SEMA6D: variants seen among roughly 807,000 people sequenced by gnomAD.
SEMA6D encodes semaphorin-6D.
In SEMA6D, 35 loss-of-function variants were observed where a neutral mutation model predicts 106.6. The observed-to-expected ratio is 0.33, with a 90% confidence interval of 0.25 to 0.44. The LOEUF (loss-of-function observed/expected upper bound fraction) is 0.44. Among genes scored for constraint, SEMA6D ranks in the 20% least tolerant of loss-of-function variants. The pLI is 1.00. For synonymous variants in SEMA6D, 499 were observed against 487.7 expected, an observed-to-expected ratio of 1.02 and a Z score of -0.31; for missense variants, 1,185 against 1,345.9, an observed-to-expected ratio of 0.88 and a Z score of 1.87.
chr15:47,659,865 G>A (rs2077881596), intron 4 of SEMA6D, among the ~76,000 whole-genome samples: 1 of 152,060 alleles, frequency 6.6e-6, no homozygotes, highest in African/African-American at 2.4e-5. Flanking sequence ...AGAAAAGTTT[G>A]ATTATACATA....
chr15:47,358,024 A>G (rs1270907311), intron 1 of SEMA6D, among the ~76,000 whole-genome samples: 1 of 152,208 alleles, frequency 6.6e-6, no homozygotes, highest in Non-Finnish European at 1.5e-5. Flanking sequence ...CTTTGAAAAA[A>G]ATCTCCATAT....
chr15:47,254,329 G>GTC (rs201817469), intron 1 of SEMA6D, among the ~76,000 whole-genome samples: 2 of 132,692 alleles, frequency 1.5e-5, no homozygotes, highest in East Asian at 4.1e-4. Context: ...ATGTGTGTGT[G>GTC]TGTATATATA....
In SEMA6D at chr15:47,387,731, T is replaced by C. The variant is rs149110146; in HGVS notation, c.-238-24662T>C. On this transcript the variant is annotated intron_variant, in intron 1 of 19. Transcript: ENST00000558014. ...GGAATATGAGAAACTATTGTGTGGT[T>C]AACAATAAAGATTTGTGCGCTCAAC... is the stretch of plus-strand genomic sequence containing the variant. Among the ~76,000 whole-genome samples, 255 of 152,282 alleles carry C rather than the reference T, an allele frequency of 1.7e-3. 1 individual carries two copies. Among genetic ancestry groups the C allele is most frequent in the African/African-American group, 6.0e-3 (248 of 41,552 alleles).
At chr15:47,337,223 A>G (rs1489670973) in intron 1 of SEMA6D, among the ~76,000 whole-genome samples, 2 of 152,152 alleles carry the variant, frequency 1.3e-5, no homozygotes, top group Admixed American at 1.3e-4. Flanking sequence ...ATCAGTGGAT[A>G]TGGGATATGG....
At chr15:47,760,245 T>C in intron 2 of SEMA6D, 59 bp from the exon 3 acceptor site, 3 of 1,209,490 alleles carry the variant, frequency 2.5e-6, no homozygotes, top group Non-Finnish European at 3.7e-6. Context: ...ATCAATGCTG[T>C]TTATTGATCC....
chr15:47,765,502 A>G, intron 13 of SEMA6D: 6 of 953,734 alleles, frequency 6.3e-6, no homozygotes, highest in Non-Finnish European at 7.6e-6. Flanking sequence ...CAAATAAGAA[A>G]TAGAAGAGAG....
intron 1 of SEMA6D, among the ~76,000 whole-genome samples, chr15:47,408,000 C>T (rs1187350319): frequency 1.3e-5 from 2 of 152,118 alleles, no homozygotes; most frequent in African/African-American, 2.4e-5. Context: ...GGTTGGGCCT[C>T]AGAAGGAGGG....
At chr15:47,409,900 G>T (rs532702149) in intron 1 of SEMA6D, among the ~76,000 whole-genome samples, 147 of 151,448 alleles carry the variant, frequency 9.7e-4, no homozygotes, top group African/African-American at 2.8e-3. Flanking sequence ...TCGGGGTTGT[G>T]GGGGGGGTGG....
In SEMA6D at chr15:47,763,970, T is replaced by A; in HGVS notation, c.868T>A (p.Ser290Thr). 6.2e-7 allele frequency: 1 copy of A among 1,614,002 alleles called. No homozygotes were observed. Residue 290 changes from serine to threonine, a missense_variant, in exon 10 of 19, where the codon TCG (serine) becomes ACG (threonine). By Grantham distance (58) the Ser-to-Thr change is moderately conservative. Coordinates refer to ENST00000536845, the MANE Select transcript of SEMA6D (RefSeq NM_001358351.3). ...GCTGAACTGTTCTGTCCCTGGAGAT[T>A]CGTTTTTCTACTTTGATGTTCTGCA... ...ARLNCSVPGDSFFYFDVLQSI... is the reference protein window; with the variant it reads ...ARLNCSVPGDTFFYFDVLQSI...
chr15:47,559,635 A>G (rs1489598323), intron 3 of SEMA6D, among the ~76,000 whole-genome samples: 1 of 152,036 alleles, frequency 6.6e-6, no homozygotes, highest in Non-Finnish European at 1.5e-5. Context: ...GTTCTGGGAG[A>G]TGAGATAGGA....
At chr15:47,354,176 CCTCTCTCTCTCT>C (rs879283418) in intron 1 of SEMA6D, among the ~76,000 whole-genome samples, 6 of 85,392 alleles carry the variant, frequency 7.0e-5, no homozygotes, top group Non-Finnish European at 1.8e-4. Flanking sequence ...AATGAGAAAG[CCTCTCTCTCTCT>C]CTCTCTCTCT....
rs142096314 is a variant in SEMA6D at position 47,764,659 on chromosome 15, C to T, written c.1119C>T (p.His373=). The T allele has an allele frequency of 2.5e-4, 402 of 1,613,998 alleles. 1 individual carries two copies. The African/African-American group carries it at 4.7e-3, about 19-fold the overall frequency. Residue 373 remains histidine (H), a synonymous_variant, in exon 12 of 19, where the codon CAC becomes CAT. Coordinates refer to ENST00000536845, the MANE Select transcript of SEMA6D (RefSeq NM_001358351.3). ...PKPRPGCCAK[H]GLAEAYKTSI... ...TCAGGCCTGGCTGTTGTGCAAAACA[C>T]GGCCTTGCCGAAGCTTATAAAACCT... is the stretch of plus-strand genomic sequence containing the variant.
At chr15:47,631,874 A>C (rs1281289260) in intron 4 of SEMA6D, among the ~76,000 whole-genome samples, 1 of 151,962 alleles carries the variant, frequency 6.6e-6, no homozygotes, top group East Asian at 1.9e-4. Flanking sequence ...GTGTCTTGGC[A>C]TGGATTTCTT....
At position 47,436,762 on chromosome 15, in the gene SEMA6D, A is replaced by AG. The variant is rs1347380074; in HGVS notation, c.-159+24290_-159+24291insG. Among the ~76,000 whole-genome samples, 299 of 72,510 alleles carry AG rather than the reference A, an allele frequency of 4.1e-3. 4 individuals carry two copies. Among genetic ancestry groups the AG allele is most frequent in the East Asian group, 8.2e-4 (2 of 2,430 alleles). The allele number at this position is 72,510 out of a possible 152,430, so 47.6% of individuals were successfully genotyped here. A position where few individuals can be genotyped will look rare whatever the true frequency, so the allele number is the denominator to read the frequency against. On this transcript the variant is annotated intron_variant, in intron 2 of 19. Coordinates refer to the SEMA6D transcript ENST00000558014. Reference sequence around the variant, plus strand: ...CCTGGGCAGTCCTATCTCTATTAAAAAAAAAAATATATATATATATATATA... The same window carrying AG: ...CCTGGGCAGTCCTATCTCTATTAAAAGAAAAAAATATATATATATATATATA...
intron 1 of SEMA6D, among the ~76,000 whole-genome samples, chr15:47,272,256 T>TA (rs2034590997): frequency 6.6e-6 from 1 of 152,212 alleles, no homozygotes; most frequent in African/African-American, 2.4e-5. Context: ...CAAGGCAACT[T>TA]ACTACTAAGT....
At chr15:47,214,511 A>C (rs1399468853) in intron 1 of SEMA6D, among the ~76,000 whole-genome samples, 1 of 152,210 alleles carries the variant, frequency 6.6e-6, no homozygotes, top group African/African-American at 2.4e-5. Flanking sequence ...GAATGTGTTC[A>C]GGTTTTTGTT....
At chr15:47,365,434 G>C (rs2038976361) in intron 1 of SEMA6D, among the ~76,000 whole-genome samples, 1 of 152,106 alleles carries the variant, frequency 6.6e-6, no homozygotes, top group Non-Finnish European at 1.5e-5. Context: ...GATTAGAAGG[G>C]CTGTGAATAT....
At chr15:47,258,058 G>A (rs1267656952) in intron 1 of SEMA6D, among the ~76,000 whole-genome samples, 1 of 151,986 alleles carries the variant, frequency 6.6e-6, no homozygotes, top group Non-Finnish European at 1.5e-5. Flanking sequence ...ACAGCCACTT[G>A]AGCATTTTTG....
intron 4 of SEMA6D, among the ~76,000 whole-genome samples, chr15:47,633,414 T>C (rs2077326408): frequency 6.6e-6 from 1 of 152,104 alleles, no homozygotes; most frequent in Admixed American, 6.5e-5. Context: ...GAAATCAGAG[T>C]TGACAATTCT....
Sources: allele counts gnomAD v4.1 joint callset (sites outside exome capture counted in the v4.1 genomes callset), GRCh38; gene constraint gnomAD v4.1.1; transcripts MANE v1.5; gene names NCBI Gene and HGNC (gene_info 2026-07-23, HGNC 2026-07-21).